The following SESTD1 variants were observed in gnomAD, a reference collection of about 807,000 sequenced individuals.
SESTD1 encodes SEC14 and spectrin domain containing 1.
In SESTD1, 43 loss-of-function variants were observed where a neutral mutation model predicts 101.7. The ratio of observed to expected loss-of-function variants is 0.42; its 90% CI spans 0.33 to 0.55. SESTD1 has a LOEUF of 0.55. SESTD1 is among the 20% of genes least tolerant of loss of function. The pLI, the probability that SESTD1 is intolerant of heterozygous loss-of-function variation, is 0.07. For synonymous variants in SESTD1, 283 were observed against 286.8 expected (o/e 0.99, Z 0.13); for missense variants, 647 against 815.1 (o/e 0.79, Z 2.51).
At chr2:179,225,886 C>T (rs373121527) in intron 1 of SESTD1, among the ~76,000 whole-genome samples, 1 of 152,114 alleles carries the variant, frequency 6.6e-6, no homozygotes, top group Non-Finnish European at 1.5e-5. Context: ...GAACTAAGTT[C>T]CAACACATGA....
At chr2:179,182,674 A>T (rs2046136032) in intron 3 of SESTD1, among the ~76,000 whole-genome samples, 1 of 152,180 alleles carries the variant, frequency 6.6e-6, no homozygotes, top group Non-Finnish European at 1.5e-5. Context: ...TAAAATAAAA[A>T]TATTTATAAA....
intron 6 of SESTD1, among the ~76,000 whole-genome samples, chr2:179,149,990 G>A (rs1422072345): frequency 1.3e-5 from 2 of 152,168 alleles, no homozygotes; most frequent in African/African-American, 4.8e-5. Flanking sequence ...CATTTTGGGA[G>A]GCCGAGGCAG....
intron 16 of SESTD1, among the ~76,000 whole-genome samples, chr2:179,113,609 G>A (rs538626549): frequency 1.5e-3 from 231 of 151,904 alleles, no homozygotes; most frequent in Middle Eastern, 3.4e-3. Context: ...ACTCATGAAC[G>A]GACATTTTTG....
intron 5 of SESTD1, among the ~76,000 whole-genome samples, chr2:179,152,424 T>A (rs757996830): frequency 6.6e-6 from 1 of 152,222 alleles, no homozygotes; most frequent in African/African-American, 2.4e-5. Flanking sequence ...TATGTGCTTG[T>A]TGAATCTCAT....
intron 1 of SESTD1, among the ~76,000 whole-genome samples, chr2:179,235,578 G>A (rs1270473571): frequency 2.6e-5 from 4 of 152,046 alleles, no homozygotes; most frequent in Non-Finnish European, 5.9e-5. Flanking sequence ...TTCTTTTCCT[G>A]TACCCTCTAC....
intron 1 of SESTD1, among the ~76,000 whole-genome samples, chr2:179,237,828 CCAGAATAA>C (rs1381245641): frequency 1.3e-5 from 2 of 152,002 alleles, no homozygotes; most frequent in African/African-American, 4.8e-5. Flanking sequence ...TTATCTCTTG[CCAGAATAA>C]CAGAGATCCA....
At chr2:179,116,345 G>A (rs1233344876) in intron 15 of SESTD1, among the ~76,000 whole-genome samples, 1 of 151,756 alleles carries the variant, frequency 6.6e-6, no homozygotes, top group African/African-American at 2.4e-5. Flanking sequence ...GTGTGATGCA[G>A]AAAGTGAGGT....
At chr2:179,252,154 A>G (rs762973963) in intron 1 of SESTD1, among the ~76,000 whole-genome samples, 5 of 152,212 alleles carry the variant, frequency 3.3e-5, no homozygotes, top group Non-Finnish European at 7.3e-5. Context: ...TTTAACAGAA[A>G]CTGTTATGTT....
intron 1 of SESTD1, among the ~76,000 whole-genome samples, chr2:179,223,147 A>G (rs74932757): frequency 0.011 from 1,637 of 152,276 alleles, 28 homozygotes; most frequent in African/African-American, 0.038. Flanking sequence ...TATAACGAGG[A>G]TAAACTTAGA....
intron 9 of SESTD1, 134 bp from the exon 10 acceptor site, chr2:179,132,560 A>G (rs1468287714): frequency 1.0e-6 from 1 of 990,744 alleles, no homozygotes; most frequent in Non-Finnish European, 1.4e-6. Context: ...TCACATAGGC[A>G]GTAAATGTTT....
chr2:179,115,064 C>A lies in SESTD1; in HGVS notation c.1839+1G>T. 6.2e-7 allele frequency: 1 copy of A among 1,607,132 alleles called. No homozygotes were observed. Among genetic ancestry groups the A allele is most frequent in the Non-Finnish European group, 8.5e-7 (1 of 1,178,242 alleles). On this transcript the variant is annotated splice_donor_variant, in intron 16 of 17. Transcript: ENST00000428443. LOFTEE classifies it high-confidence loss of function. ...ATAACATTTCAAAAACACAAGCAAA[C>A]CTTTTCAGCATTTGAGTGAAATGCA... is the stretch of plus-strand genomic sequence containing the variant.
intron 1 of SESTD1, among the ~76,000 whole-genome samples, chr2:179,218,553 G>C (rs1440867159): frequency 7.0e-6 from 1 of 143,798 alleles, no homozygotes; most frequent in Non-Finnish European, 1.5e-5. Context: ...TCAACCAAAA[G>C]CAAGAAGCAC....
intron 1 of SESTD1, among the ~76,000 whole-genome samples, chr2:179,229,798 C>G (rs182286163): frequency 0.19 from 25,051 of 134,686 alleles, 2,739 homozygotes; most frequent in South Asian, 0.34. Flanking sequence ...CACACACACA[C>G]ACACACACAC....
At chr2:179,208,300 T>G (rs1158463430) in intron 1 of SESTD1, among the ~76,000 whole-genome samples, 1 of 135,526 alleles carries the variant, frequency 7.4e-6, no homozygotes, top group Non-Finnish European at 1.6e-5. Context: ...AAAACTTATT[T>G]GAGGGAATAA....
At chr2:179,150,817 CAAAAAAAA>C (rs1215426536) in intron 6 of SESTD1, among the ~76,000 whole-genome samples, 1 of 144,126 alleles carries the variant, frequency 6.9e-6, no homozygotes, top group African/African-American at 2.7e-5. Context: ...AAGACTGTCT[CAAAAAAAA>C]GAAAAAAAAA....
intron 7 of SESTD1, 61 bp from the exon 8 acceptor site, chr2:179,146,518 A>G: frequency 7.2e-7 from 1 of 1,390,054 alleles, no homozygotes; most frequent in Non-Finnish European, 1.0e-6. Context: ...AACTTTAAAA[A>G]TTCCTTTACA....
Position 179,153,495 on chromosome 2 carries a change from C to A in SESTD1, c.370-2104G>T, listed in dbSNP as rs184620566. Among the ~76,000 whole-genome samples, 2 of 152,248 alleles carry A rather than the reference C, an allele frequency of 1.3e-5. 1 individual carries two copies. The highest frequency in any genetic ancestry group is 3.9e-4 in the East Asian group (2 of 5,180). The stretch of plus-strand genomic sequence containing the variant: ...CATTTTAAATGAACACACACACACT[C>A]TCTCGCTCTCTCTCTCACACACACT... On this transcript the variant is annotated intron_variant, in intron 5 of 17. Coordinates refer to ENST00000428443, the MANE Select transcript of SESTD1 (RefSeq NM_178123.5).
chr2:179,199,895 A>T (rs1373318053), intron 1 of SESTD1, among the ~76,000 whole-genome samples: 1 of 152,174 alleles, frequency 6.6e-6, no homozygotes, highest in Non-Finnish European at 1.5e-5. Flanking sequence ...CACCACTCCT[A>T]TTCAACATAG....
chr2:179,138,833 T>G (rs1424049025), intron 9 of SESTD1, among the ~76,000 whole-genome samples: 1 of 130,618 alleles, frequency 7.7e-6, no homozygotes, highest in Non-Finnish European at 1.5e-5. Flanking sequence ...ATCAGGTCTC[T>G]GCACTCCAGC....
Sources: allele counts gnomAD v4.1 joint callset (sites outside exome capture counted in the v4.1 genomes callset), GRCh38; gene constraint gnomAD v4.1.1; transcripts MANE v1.5; gene names NCBI Gene and HGNC (gene_info 2026-07-23, HGNC 2026-07-21).